ATP6V1A: variants seen among roughly 807,000 people sequenced by gnomAD.
ATP6V1A encodes the protein ATPase H+ transporting V1 subunit A, also known as V-type proton ATPase catalytic subunit A.
Under a neutral mutation model 70.1 loss-of-function variants are expected in ATP6V1A, and 18 were observed. The ratio of observed to expected loss-of-function variants is 0.26; its 90% CI spans 0.18 to 0.38. ATP6V1A has a LOEUF of 0.38. Ranked by LOEUF, ATP6V1A falls within the 10% of genes least tolerant of loss-of-function variation. ATP6V1A has a pLI of 1.00. For synonymous variants in ATP6V1A, 232 were observed against 253.8 expected, an observed-to-expected ratio of 0.91 and a Z score of 0.82; for missense variants, 424 against 772.4, an observed-to-expected ratio of 0.55 and a Z score of 5.35.
chr3:113,793,966 C>T (rs1054408199), intron 8 of ATP6V1A, among the ~76,000 whole-genome samples: 9 of 151,994 alleles, frequency 5.9e-5, no homozygotes. Flanking sequence ...ATTTAATTCA[C>T]TTCATCTGCC....
Position 113,795,838 on chromosome 3 carries a change from CA to C in ATP6V1A, c.1227-37del, listed in dbSNP as rs3217358. The C allele has an allele frequency of 2.9e-3, 4,460 of 1,518,486 alleles. 109 individuals carry two copies. In the Admixed American group the frequency reaches 0.05, roughly 17 times the overall value. The allele number at this position is 1,518,486 out of a possible 1,614,324, so 94.1% of individuals were successfully genotyped here. A position where few individuals can be genotyped will look rare whatever the true frequency, so the allele number is the denominator to read the frequency against. On this transcript the variant is annotated intron_variant, in intron 10 of 14. Coordinates refer to ENST00000273398, the MANE Select transcript of ATP6V1A (RefSeq NM_001690.4). ...ATTTTTCATAAGCATTTCTAATGAC[CA>C]TTTTTTTTGTAATGACCATATTTTT...
chr3:113,758,804 TGTTA>T (rs1411171062), intron 1 of ATP6V1A, among the ~76,000 whole-genome samples: 1 of 152,244 alleles, frequency 6.6e-6, no homozygotes, highest in Non-Finnish European at 1.5e-5. Flanking sequence ...TATGTGAGTG[TGTTA>T]GTTGTTCTAC....
chr3:113,767,653 A>G (rs533367810), intron 1 of ATP6V1A, among the ~76,000 whole-genome samples: 2 of 151,610 alleles, frequency 1.3e-5, no homozygotes, highest in Non-Finnish European at 2.9e-5. Context: ...AAGGGAAAGG[A>G]ATCTACTTTT....
At chr3:113,802,727 TA>T (rs1436413058) in intron 12 of ATP6V1A, 1 of 152,408 alleles carries the variant, frequency 6.6e-6, no homozygotes, top group Non-Finnish European at 1.5e-5. Context: ...GGCACGATCT[TA>T]GCTCACTGCA....
intron 4 of ATP6V1A, 63 bp from the exon 5 acceptor site, chr3:113,784,630 TAGC>T: frequency 1.3e-6 from 2 of 1,566,732 alleles, no homozygotes; most frequent in Non-Finnish European, 1.7e-6. Flanking sequence ...ATTTAAATTA[TAGC>T]AGCAGGGGCA....
At chr3:113,755,047 G>T (rs1043574882) in intron 1 of ATP6V1A, among the ~76,000 whole-genome samples, 2 of 151,748 alleles carry the variant, frequency 1.3e-5, no homozygotes, top group Non-Finnish European at 2.9e-5. Flanking sequence ...GCTGTCCAAA[G>T]TTTTTTTTAC....
intron 1 of ATP6V1A, among the ~76,000 whole-genome samples, chr3:113,765,745 C>T (rs1416490325): frequency 6.9e-6 from 1 of 144,068 alleles, no homozygotes; most frequent in Non-Finnish European, 1.5e-5. Flanking sequence ...TGTGAAATCC[C>T]ATCTGTACTA....
intron 8 of ATP6V1A, among the ~76,000 whole-genome samples, chr3:113,793,361 C>G (rs1473141014): frequency 6.6e-6 from 1 of 152,176 alleles, no homozygotes; most frequent in Non-Finnish European, 1.5e-5. Context: ...CCGCGCCTGG[C>G]CAGAAACTCT....
intron 1 of ATP6V1A, chr3:113,747,508 G>C (rs1231018945): frequency 6.6e-6 from 1 of 152,446 alleles, no homozygotes; most frequent in Non-Finnish European, 1.5e-5. Flanking sequence ...TGAGGAGCGG[G>C]GAGGTAGCAA....
At chr3:113,777,736 G>C (rs1354244357) in intron 1 of ATP6V1A, among the ~76,000 whole-genome samples, 7 of 152,158 alleles carry the variant, frequency 4.6e-5, no homozygotes, top group Non-Finnish European at 1.0e-4. Context: ...CAAATCGACG[G>C]AGACAGACTG....
In ATP6V1A at chr3:113,781,262, T is replaced by G; in HGVS notation, c.211+84T>G. On this transcript the variant is annotated intron_variant, in intron 3 of 14. Coordinates refer to ENST00000273398, the MANE Select transcript of ATP6V1A (RefSeq NM_001690.4). Reference sequence around the variant, plus strand: ...GCCAGGCATAGTGCCTCACACAAAGTAATCCCAGCACTTTGGGAGGCAGGC... The same window carrying G: ...GCCAGGCATAGTGCCTCACACAAAGGAATCCCAGCACTTTGGGAGGCAGGC... The G allele has an allele frequency of 3.5e-6, 5 of 1,432,412 alleles. No homozygotes were observed. The South Asian group carries it at 6.8e-5, about 20-fold the overall frequency. The allele number at this position is 1,432,412 out of a possible 1,614,324, so 88.7% of individuals were successfully genotyped here.
intron 1 of ATP6V1A, among the ~76,000 whole-genome samples, chr3:113,764,254 A>G (rs1708741597): frequency 6.6e-6 from 1 of 152,130 alleles, no homozygotes; most frequent in Non-Finnish European, 1.5e-5. Context: ...AAAAAAAAGT[A>G]TATTAGCAAA....
At chr3:113,795,997 G>A (rs1709149922) in intron 11 of ATP6V1A, 58 bp downstream of exon 11, 1 of 1,409,096 alleles carries the variant, frequency 7.1e-7, no homozygotes, top group African/African-American at 1.4e-5. Flanking sequence ...TGCAGCCCCT[G>A]CTGTTCTAAT....
rs764772061 is a variant in ATP6V1A at position 113,786,296 on chromosome 3, C to T, written c.629C>T (p.Pro210Leu). The change falls in exon 6 of 15, where the codon CCT becomes CTT. Residue 210 changes from proline to leucine, a missense_variant. Physicochemically the swap from Pro to Leu is moderately conservative, Grantham distance 98. Transcript: ENST00000273398. ...AAGTTCACCATGGTGCAAGTATGGCCTGTACGTCAAGTTCGACCTGTCACT... is the reference window on the plus strand; with the variant it reads ...AAGTTCACCATGGTGCAAGTATGGCTTGTACGTCAAGTTCGACCTGTCACT... ...KEKFTMVQVW[P>L]VRQVRPVTEK... is the part of the protein sequence containing the mutation. The T allele has an allele frequency of 1.2e-6, 2 of 1,613,222 alleles. No individual in the cohort carries two copies.
chr3:113,805,300 G>A (rs1709262755), intron 13 of ATP6V1A, 54 bp from the exon 14 acceptor site: 12 of 1,531,620 alleles, frequency 7.8e-6, no homozygotes, highest in Non-Finnish European at 1.1e-5. Flanking sequence ...TATAAAGTAT[G>A]AACCTGTTTT....
At chr3:113,785,400 A>G (rs557516994) in intron 5 of ATP6V1A, among the ~76,000 whole-genome samples, 3 of 152,050 alleles carry the variant, frequency 2.0e-5, no homozygotes, top group African/African-American at 7.2e-5. Context: ...AGATCGTGCC[A>G]TTGCACTCCA....
At chr3:113,804,910 GTTTCCTGC>G (rs887639059) in intron 13 of ATP6V1A, among the ~76,000 whole-genome samples, 4 of 152,208 alleles carry the variant, frequency 2.6e-5, no homozygotes, top group Admixed American at 6.5e-5. Context: ...GGAACTTGCA[GTTTCCTGC>G]TTTCCTATTA....
chr3:113,789,896 G>A, intron 8 of ATP6V1A, 56 bp downstream of exon 8: 1 of 1,350,064 alleles, frequency 7.4e-7, no homozygotes, highest in Admixed American at 1.8e-5. Flanking sequence ...TGTAAAGCTA[G>A]CACCAAACTT....
intron 8 of ATP6V1A, among the ~76,000 whole-genome samples, chr3:113,794,628 G>A (rs149979869): frequency 1.4e-4 from 22 of 152,046 alleles, no homozygotes; most frequent in African/African-American, 3.9e-4. Context: ...TTGCCTGACC[G>A]TAGAACACAT....
Sources: gnomAD v4.1 joint callset for allele counts (sites outside exome capture counted in the v4.1 genomes callset) on GRCh38, gnomAD v4.1.1 for gene constraint, MANE v1.5 for transcripts, NCBI Gene and HGNC (gene_info 2026-07-23, HGNC 2026-07-21) for gene names.